Variants in RAPGEF6 observed in about 807,000 individuals in gnomAD.
RAPGEF6 encodes the protein Rap guanine nucleotide exchange factor 6, also known as PDZ domain containing guanine nucleotide exchange factor (GEF) 2.
RAPGEF6 carries 56 observed loss-of-function variants against 171.4 expected under a neutral mutation model. The ratio of observed to expected loss-of-function variants is 0.33; its 90% confidence interval spans 0.26 to 0.41. The LOEUF (loss-of-function observed/expected upper bound fraction) is 0.41. RAPGEF6 is among the 10% of genes least tolerant of loss of function. RAPGEF6 has a pLI of 1.00. For missense variants in RAPGEF6, 1,674 were observed against 1,921.4 expected (o/e 0.87, Z 2.41); for synonymous variants, 692 against 650.1 (o/e 1.06, Z -0.98).
At chr5:131,623,934 C>G (rs1561617106) in intron 1 of RAPGEF6, among the ~76,000 whole-genome samples, 1 of 152,112 alleles carries the variant, frequency 6.6e-6, no homozygotes, top group Non-Finnish European at 1.5e-5. Context: ...AATCATAACA[C>G]AGCACAGTAA....
chr5:131,530,033 G>A (rs560666366), intron 6 of RAPGEF6, among the ~76,000 whole-genome samples: 60 of 146,156 alleles, frequency 4.1e-4, no homozygotes, highest in Non-Finnish European at 8.0e-4. Flanking sequence ...TCAACCTCCC[G>A]AGTAGCTGGG....
At chr5:131,460,586 T>G (rs1753852017) in intron 19 of RAPGEF6, among the ~76,000 whole-genome samples, 1 of 152,226 alleles carries the variant, frequency 6.6e-6, no homozygotes, top group South Asian at 2.1e-4. Context: ...ACTTAGCTGT[T>G]TAAAAACTGT....
At chr5:131,521,840 T>TACACACACACACAC (rs3992018) in intron 6 of RAPGEF6, among the ~76,000 whole-genome samples, 16 of 97,252 alleles carry the variant, frequency 1.6e-4, no homozygotes, top group East Asian at 1.4e-3. Context: ...AATGTTACCC[T>TACACACACACACAC]ACACACACAC....
At chr5:131,528,338 TACACAC>T (rs372339216) in intron 6 of RAPGEF6, among the ~76,000 whole-genome samples, 6,107 of 26,250 alleles carry the variant, frequency 0.23, 921 homozygotes, top group African/African-American at 0.31. Context: ...TATATATATA[TACACAC>T]ACACACACAT....
chr5:131,515,999 A>G (rs1758045622), intron 7 of RAPGEF6, among the ~76,000 whole-genome samples: 3 of 151,160 alleles, frequency 2.0e-5, no homozygotes, highest in Admixed American at 2.0e-4. Context: ...TTTAAAAATG[A>G]TAGTCAAAAG....
chr5:131,501,685 C>T (rs1757036235), intron 11 of RAPGEF6, among the ~76,000 whole-genome samples: 2 of 151,684 alleles, frequency 1.3e-5, no homozygotes, highest in Non-Finnish European at 2.9e-5. Flanking sequence ...GTTATACTGG[C>T]ATGGTAGAAA....
At chr5:131,625,811 C>A (rs867397371) in intron 1 of RAPGEF6, among the ~76,000 whole-genome samples, 1,024 of 112,894 alleles carry the variant, frequency 9.1e-3, no homozygotes, top group African/African-American at 0.01. Context: ...GACTCCGTCT[C>A]AAAAAAAAAA....
intron 12 of RAPGEF6, among the ~76,000 whole-genome samples, chr5:131,497,047 T>TC (rs931442254): frequency 2.6e-5 from 4 of 152,130 alleles, no homozygotes; most frequent in Non-Finnish European, 4.4e-5. Context: ...TTTTCTTTTT[T>TC]CCCCCTTTTT....
intron 6 of RAPGEF6, among the ~76,000 whole-genome samples, chr5:131,532,546 T>C (rs963017796): frequency 2.0e-5 from 3 of 152,190 alleles, no homozygotes; most frequent in South Asian, 2.1e-4. Flanking sequence ...CTCTGTAATA[T>C]AGCTTTGTCT....
intron 21 of RAPGEF6, among the ~76,000 whole-genome samples, chr5:131,449,827 T>C (rs146592796): frequency 4.6e-5 from 7 of 152,296 alleles, no homozygotes; most frequent in African/African-American, 1.7e-4. Flanking sequence ...AGGGCATCAA[T>C]AGTGGAAAAA....
At chr5:131,492,464 A>C in intron 14 of RAPGEF6, 118 bp downstream of exon 14, 1 of 974,584 alleles carries the variant, frequency 1.0e-6, no homozygotes, top group Non-Finnish European at 1.6e-6. Flanking sequence ...TACCTCTAAA[A>C]AAAGGCTCAG....
At position 131,429,096 on chromosome 5, in the gene RAPGEF6, G is replaced by A; in HGVS notation, c.4586C>T (p.Pro1529Leu). Residue 1529 changes from proline to leucine, a missense_variant, in exon 27 of 28, where the codon CCT becomes CTT. Physicochemically the swap from Pro to Leu is moderately conservative, Grantham distance 98. This residue lies in a region of RAPGEF6 where 552 missense variants were observed against 574.2 expected (regional missense o/e 0.96). Transcript: ENST00000509018. ...LKEGPHTHLK[P>L]PDYSVAVQRS... The stretch of plus-strand genomic sequence containing the variant: ...CTGCACTGCCACACTATAATCTGGA[G>A]GTTTTAGGTGTGTGTGGGGTCCTTC... The A allele has an allele frequency of 6.2e-7, 1 of 1,614,156 alleles. No homozygotes were observed. Among genetic ancestry groups the A allele is most frequent in the South Asian group, 1.1e-5 (1 of 91,080 alleles).
chr5:131,621,906 TCTGAGCAC>T (rs1765616114), intron 1 of RAPGEF6, among the ~76,000 whole-genome samples: 1 of 152,110 alleles, frequency 6.6e-6, no homozygotes, highest in Non-Finnish European at 1.5e-5. Flanking sequence ...CCTACAAACT[TCTGAGCAC>T]CTGATATTTA....
chr5:131,564,589 AT>A (rs1299111838), intron 4 of RAPGEF6, among the ~76,000 whole-genome samples: 11 of 152,232 alleles, frequency 7.2e-5, no homozygotes, highest in Non-Finnish European at 1.6e-4. Flanking sequence ...CATAAAATTC[AT>A]GATGACATCA....
chr5:131,602,382 C>G (rs1580658439), intron 3 of RAPGEF6, among the ~76,000 whole-genome samples: 1 of 152,222 alleles, frequency 6.6e-6, no homozygotes, highest in East Asian at 1.9e-4. Flanking sequence ...TAATTTTATT[C>G]CTAGGAATAT....
At position 131,464,081 on chromosome 5, in the gene RAPGEF6, G is replaced by T; in HGVS notation, c.2440C>A (p.Gln814Lys). ...ATTCTATCAGCTAATTTGGAGAACT[G>T]ATCTGGAAGTCTTCTCTGTTTTATG... ...GVIKQRRLPD[Q>K]FSKLADRIQL... Residue 814 changes from glutamine to lysine, a missense_variant, in exon 18 of 28, where the codon CAG (glutamine) becomes AAG (lysine). By Grantham distance (53) the Gln-to-Lys change is moderately conservative. Transcript: ENST00000509018. 6.2e-7 allele frequency: 1 copy of T among 1,612,086 alleles called. No individual in the cohort carries two copies. The highest frequency in any genetic ancestry group is 8.5e-7 in the Non-Finnish European group (1 of 1,178,862).
chr5:131,492,301 C>T lies in RAPGEF6; in HGVS notation c.1731+281G>A, dbSNP rs59180915. 2.0e-3 allele frequency among the ~76,000 whole-genome samples: 312 copies of T among 152,252 alleles called. 1 individual carries two copies. The highest frequency in any genetic ancestry group is 7.2e-3 in the African/African-American group (298 of 41,552). ...TCAAGTTGCCAGCTTATACAGTTTCCTAATCCATGAAGGATAGGCAGGCCC... is the reference window on the plus strand; with the variant it reads ...TCAAGTTGCCAGCTTATACAGTTTCTTAATCCATGAAGGATAGGCAGGCCC... On this transcript the variant is annotated intron_variant, in intron 14 of 27. Transcript: ENST00000509018.
At chr5:131,599,787 A>C (rs1764119391) in intron 3 of RAPGEF6, among the ~76,000 whole-genome samples, 1 of 152,206 alleles carries the variant, frequency 6.6e-6, no homozygotes, top group African/African-American at 2.4e-5. Flanking sequence ...TTTTTTTTTA[A>C]AGTGCCAAAA....
intron 17 of RAPGEF6, among the ~76,000 whole-genome samples, chr5:131,468,908 A>G (rs1754560970): frequency 6.6e-6 from 1 of 152,262 alleles, no homozygotes; most frequent in African/African-American, 2.4e-5. Flanking sequence ...TGCAGGTCAA[A>G]TGGCAAAACA....
Sources: gnomAD v4.1 joint callset for allele counts (sites outside exome capture counted in the v4.1 genomes callset) on GRCh38, gnomAD v4.1.1 for gene constraint, gnomAD v4.1.1 regional missense constraint, MANE v1.5 for transcripts, NCBI Gene and HGNC (gene_info 2026-07-23, HGNC 2026-07-21) for gene names.